STPG3: variants seen among roughly 807,000 people sequenced by gnomAD.
STPG3 encodes the protein sperm-tail PG-rich repeat containing 3, also known as protein STPG3.
STPG3 carries 39 observed loss-of-function variants against 32.5 expected under a neutral mutation model. The observed-to-expected ratio is 1.20, with a 90% CI of 0.93 to 1.57. STPG3 has a LOEUF of 1.57. STPG3 is among the 40% of genes most tolerant of loss of function. The probability of loss-of-function intolerance (pLI) is 0.00; values close to 1 mark genes in which losing one functional copy is unlikely to be tolerated. For missense variants in STPG3, 507 were observed against 407.6 expected (o/e 1.24, Z -2.10); for synonymous variants, 209 against 172.4 (o/e 1.21, Z -1.66).
At chr9:137,253,014 A>G in intron 5 of STPG3, 49 bp downstream of exon 5, 1 of 1,529,568 alleles carries the variant, frequency 6.5e-7, no homozygotes, top group Non-Finnish European at 8.9e-7. Flanking sequence ...ATGGGTGGGC[A>G]ATGTGAGGAC....
chr9:137,252,090 TCCCCAC>T lies in STPG3; in HGVS notation c.359_364del (p.Ser120_His122delinsTyr), dbSNP rs1483995673. 6.2e-7 allele frequency: 1 copy of T among 1,612,482 alleles called. No individual in the cohort carries two copies. The highest frequency in any genetic ancestry group is 8.5e-7 in the Non-Finnish European group (1 of 1,179,732). ...GCCGAGCCCGTCCGTACGAGAGTCC[TCCCCAC>T]ACCCCCACTACAGCATCGGCTGCAA... On this transcript the variant is annotated inframe_deletion, in exon 3 of 6. Coordinates refer to ENST00000412566, the MANE Select transcript of STPG3 (RefSeq NM_001004353.4).
Position 137,251,646 on chromosome 9 carries a change from G to A in STPG3, c.111-92G>A, listed in dbSNP as rs191532150. On this transcript the variant is annotated intron_variant, in intron 1 of 5. Coordinates refer to ENST00000412566, the MANE Select transcript of STPG3 (RefSeq NM_001004353.4). ...GTGGGGCACGTGGCTGGGAGCAGCC[G>A]GGGGCTGAGGGACAATAGAGGGGAC... is the stretch of plus-strand genomic sequence containing the variant. The A allele has an allele frequency of 5.9e-4, 850 of 1,451,956 alleles. 7 individuals carry two copies. The African/African-American group carries it at 0.01, about 17-fold the overall frequency. The allele number at this position is 1,451,956 out of a possible 1,614,324, so 89.9% of individuals were successfully genotyped here.
rs1837322645 is a variant in STPG3 at position 137,251,624 on chromosome 9, G to A, written c.111-114G>A. On this transcript the variant is annotated intron_variant, in intron 1 of 5. Coordinates refer to ENST00000412566, the MANE Select transcript of STPG3 (RefSeq NM_001004353.4). ...AGGGACAGTGTGGGGACAGGCTGTG[G>A]GGCACGTGGCTGGGAGCAGCCGGGG... The A allele has an allele frequency of 1.5e-5, 20 of 1,304,960 alleles. No individual in the cohort carries two copies. In the South Asian group the frequency reaches 2.1e-4, roughly 14 times the overall value. The allele number at this position is 1,304,960 out of a possible 1,614,324, so 80.8% of individuals were successfully genotyped here. A position where few individuals can be genotyped will look rare whatever the true frequency, so the allele number is the denominator to read the frequency against.
chr9:137,252,214 A>C, intron 3 of STPG3, 79 bp downstream of exon 3: 1 of 1,536,174 alleles, frequency 6.5e-7, no homozygotes. Context: ...TCTGTGCTGA[A>C]ACCCCCACGG....
In STPG3 at chr9:137,253,145, T is replaced by C; in HGVS notation, c.827T>C (p.Val276Ala). ...ACCCCTGGCCCAGCCGCCTACCACG[T>C]GGAGGACTGCAACTCACGCTTCCCT... ...SRTPGPAAYH[V>A]EDCNSRFPSA... Residue 276 changes from valine (V) to alanine (A), a missense_variant, in exon 6 of 6, where the codon GTG becomes GCG. Transcript: ENST00000412566. 1 of 1,592,770 alleles carries C rather than the reference T, an allele frequency of 6.3e-7. No homozygotes were observed. The highest frequency in any genetic ancestry group is 1.1e-5 in the South Asian group (1 of 89,064).
In STPG3 at chr9:137,251,999, A is replaced by AG; in HGVS notation, c.269-1dup. The AG allele has an allele frequency of 6.2e-7, 1 of 1,610,260 alleles. No homozygotes were observed. Among genetic ancestry groups the AG allele is most frequent in the South Asian group, 1.1e-5 (1 of 90,484 alleles). ...GGCCCAGAGCTTGCTTCCTGTGGCC[A>AG]GTGCTGGAGCAACGCCCCCTGATCA... is the stretch of plus-strand genomic sequence containing the variant. On this transcript the variant is annotated splice_acceptor_variant, in intron 2 of 5. Coordinates refer to ENST00000412566, the MANE Select transcript of STPG3 (RefSeq NM_001004353.4). LOFTEE classifies it high-confidence loss of function.
chr9:137,251,918 C>CCA (rs1837344213), intron 2 of STPG3, 23 bp downstream of exon 2: 2 of 1,601,180 alleles, frequency 1.2e-6, no homozygotes, highest in Admixed American at 1.7e-5. Flanking sequence ...CCTGGCCACC[C>CCA]CACCCCCAAG....
At chr9:137,251,470 C>T (rs1273261177) in intron 1 of STPG3, 74 bp downstream of exon 1, 2 of 1,217,106 alleles carry the variant, frequency 1.6e-6, no homozygotes, top group Admixed American at 1.9e-5. Flanking sequence ...GTGTGGGGGG[C>T]AGGTTGCTGG....
rs201802829 is a variant in STPG3, at chr9:137,253,196, G to A, written c.878G>A (p.Gly293Asp). The A allele has an allele frequency of 2.3e-5, 37 of 1,609,420 alleles. No homozygotes were observed. In the African/African-American group the frequency reaches 4.4e-4, roughly 19 times the overall value. The stretch of plus-strand genomic sequence containing the variant: ...TCGGCGCCTGGCGTGGTCATCCAGG[G>A]TGTACGCAGACCCAAGCGCCACGAC... ...FPSAPGVVIQ[G>D]VRRPKRHDTG... Residue 293 changes from glycine (G) to aspartate (D), a missense_variant, in exon 6 of 6, where the codon GGT becomes GAT. Coordinates refer to ENST00000412566, the MANE Select transcript of STPG3 (RefSeq NM_001004353.4).
Position 137,253,229 on chromosome 9 carries a change from C to T in STPG3, c.911C>T (p.Pro304Leu), listed in dbSNP as rs200714944. 3 of 1,608,232 alleles carry T rather than the reference C, an allele frequency of 1.9e-6. No homozygotes were observed. The highest frequency in any genetic ancestry group is 2.5e-6 in the Non-Finnish European group (3 of 1,177,830). The change falls in exon 6 of 6, where the codon CCC (proline) becomes CTC (leucine). Residue 304 changes from proline (P) to leucine (L), a missense_variant. Transcript: ENST00000412566. The part of the protein sequence containing the change: ...VRRPKRHDTG[P>L]FCTL ...AGACCCAAGCGCCACGACACAGGCC[C>T]CTTCTGCACGCTCTAGAGCCAGCTG...
chr9:137,252,481 G>T lies in STPG3; in HGVS notation c.448G>T (p.Glu150Ter), dbSNP rs771183356. Residue 150 changes from glutamate (E) to a stop codon, truncating the protein, a stop_gained, in exon 4 of 6, where the codon GAA becomes TAA. Transcript: ENST00000412566. LOFTEE classifies it high-confidence loss of function. ...RAWQTLWFQS[E>*]SPFTQKADFD... is the part of the protein sequence containing the mutation. ...ATGGCAGACTTTGTGGTTCCAGAGC[G>T]AAAGCCCCTTCACGCAGAAAGCTGA... 3 of 1,596,804 alleles carry T rather than the reference G, an allele frequency of 1.9e-6. No homozygotes were observed. Among genetic ancestry groups the T allele is most frequent in the Non-Finnish European group, 2.6e-6 (3 of 1,171,164 alleles).
chr9:137,251,994 T>A lies in STPG3; in HGVS notation c.269-7T>A, dbSNP rs1837349155. ...GCCCAGGCCCAGAGCTTGCTTCCTG[T>A]GGCCAGTGCTGGAGCAACGCCCCCT... On this transcript the variant is annotated splice_region_variant and splice_polypyrimidine_tract_variant and intron_variant, in intron 2 of 5. Coordinates refer to ENST00000412566, the MANE Select transcript of STPG3 (RefSeq NM_001004353.4). 1 of 1,609,234 alleles carries A rather than the reference T, an allele frequency of 6.2e-7. No individual in the cohort carries two copies. Among genetic ancestry groups the A allele is most frequent in the Non-Finnish European group, 8.5e-7 (1 of 1,178,276 alleles).
Position 137,252,543 on chromosome 9 carries a change from AAGGGGGCGGGG to A in STPG3, c.492+21_492+31del. On this transcript the variant is annotated intron_variant, in intron 4 of 5. Coordinates refer to ENST00000412566, the MANE Select transcript of STPG3 (RefSeq NM_001004353.4). Reference sequence around the variant, plus strand: ...AGCAAAAGGTTGGGGGCTGGGCAGGAAGGGGGCGGGGAGTCCACGCAGGCAGGGGGCTGGGG... The same window carrying A: ...AGCAAAAGGTTGGGGGCTGGGCAGGAAGTCCACGCAGGCAGGGGGCTGGGG... The A allele has an allele frequency of 7.8e-7, 1 of 1,274,662 alleles. No homozygotes were observed. 79.0% of individuals were successfully genotyped at this position (1,274,662 alleles called of 1,614,324 possible).
rs771648593 is a variant in STPG3, at chr9:137,253,144, G to A, written c.826G>A (p.Val276Met). Residue 276 changes from valine to methionine, a missense_variant, in exon 6 of 6, where the codon GTG (valine) becomes ATG (methionine). Val to Met is a conservative substitution (Grantham distance 21). Coordinates refer to ENST00000412566, the MANE Select transcript of STPG3 (RefSeq NM_001004353.4). Reference protein sequence around the residue: ...SRTPGPAAYHVEDCNSRFPSA... With the variant: ...SRTPGPAAYHMEDCNSRFPSA... ...AACCCCTGGCCCAGCCGCCTACCACGTGGAGGACTGCAACTCACGCTTCCC... is the reference window on the plus strand; with the variant it reads ...AACCCCTGGCCCAGCCGCCTACCACATGGAGGACTGCAACTCACGCTTCCC... The A allele has an allele frequency of 4.3e-5, 69 of 1,592,050 alleles. No homozygotes were observed. The highest frequency in any genetic ancestry group is 3.3e-4 in the Middle Eastern group (2 of 5,998).
chr9:137,251,696 G>A (rs554611019), intron 1 of STPG3, 42 bp from the exon 2 acceptor site: 9 of 1,544,870 alleles, frequency 5.8e-6, no homozygotes, highest in Middle Eastern at 1.8e-4. Context: ...GTGGCTGGGA[G>A]CGGCCGGGGG....
rs1396499170 is a variant in STPG3 at position 137,252,769 on chromosome 9, A to G, written c.600A>G (p.Leu200=). 6.4e-7 allele frequency: 1 copy of G among 1,561,950 alleles called. No individual in the cohort carries two copies. The highest frequency in any genetic ancestry group is 1.4e-5 in the African/African-American group (1 of 73,496). ...AGACACCTGAAGGCCACACCCACCTAGGGCTGCCTGGGGCTAGGGGGCTGG... is the reference window on the plus strand; with the variant it reads ...AGACACCTGAAGGCCACACCCACCTGGGGCTGCCTGGGGCTAGGGGGCTGG... ...ASKTPEGHTH[L]GLPGARGLGL... The change falls in exon 5 of 6, where the codon CTA becomes CTG. Residue 200 remains leucine (L), a synonymous_variant. Coordinates refer to ENST00000412566, the MANE Select transcript of STPG3 (RefSeq NM_001004353.4).
rs1395148177 is a variant in STPG3 at position 137,252,697 on chromosome 9, G to GCCCGCCTTC, written c.538_546dup (p.Pro180_Phe182dup). ...CAGCCCACTACCAGCTGCTCAGCCGGCCCGCCTTCCCCGCCTTCAGCTTCA... is the reference window on the plus strand; with the variant it reads ...CAGCCCACTACCAGCTGCTCAGCCGGCCCGCCTTCCCCGCCTTCCCCGCCTTCAGCTTCA... On this transcript the variant is annotated inframe_insertion, in exon 5 of 6. Coordinates refer to ENST00000412566, the MANE Select transcript of STPG3 (RefSeq NM_001004353.4). The GCCCGCCTTC allele has an allele frequency of 5.8e-6, 9 of 1,550,666 alleles. No homozygotes were observed. The highest frequency in any genetic ancestry group is 2.7e-5 in the African/African-American group (2 of 73,070).
At chr9:137,251,624 G>T in intron 1 of STPG3, 114 bp from the exon 2 acceptor site, 1 of 1,304,958 alleles carries the variant, frequency 7.7e-7, no homozygotes, top group Non-Finnish European at 1.0e-6. Flanking sequence ...ACAGGCTGTG[G>T]GGCACGTGGC....
At position 137,253,376 on chromosome 9, in the gene STPG3, C is replaced by T; in HGVS notation, c.*131C>T. On this transcript the variant is annotated 3_prime_UTR_variant, in exon 6 of 6. Transcript: ENST00000412566. ...CTGACCCTCTGGGCACCCCGATGCACCCTTCTGGCTGGCCAACCCTTCTAT... is the reference window on the plus strand; with the variant it reads ...CTGACCCTCTGGGCACCCCGATGCATCCTTCTGGCTGGCCAACCCTTCTAT... 1 of 1,520,012 alleles carries T rather than the reference C, an allele frequency of 6.6e-7. No homozygotes were observed. The highest frequency in any genetic ancestry group is 1.2e-5 in the South Asian group (1 of 82,406). 94.2% of individuals were successfully genotyped at this position (1,520,012 alleles called of 1,614,324 possible).
Sources: gnomAD v4.1 joint callset for allele counts on GRCh38, gnomAD v4.1.1 for gene constraint, MANE v1.5 for transcripts, NCBI Gene and HGNC (gene_info 2026-07-23, HGNC 2026-07-21) for gene names.